GMDS: variants seen among roughly 807,000 people sequenced by gnomAD.
GMDS encodes GDP-mannose 4,6-dehydratase.
Under a neutral mutation model 49.9 loss-of-function variants are expected in GMDS, and 20 were observed. The ratio of observed to expected loss-of-function variants is 0.40; its 90% CI spans 0.28 to 0.58. GMDS has a LOEUF of 0.58. GMDS is among the 20% of genes least tolerant of loss of function. The probability of loss-of-function intolerance (pLI) is 0.42; values close to 1 mark genes in which losing one functional copy is unlikely to be tolerated. For missense variants in GMDS, 362 were observed against 481.4 expected, an observed-to-expected ratio of 0.75 and a Z score of 2.32; for synonymous variants, 177 against 178.6, an observed-to-expected ratio of 0.99 and a Z score of 0.07.
chr6:2,204,062 A>G (rs978078458), intron 1 of GMDS, among the ~76,000 whole-genome samples: 6 of 152,224 alleles, frequency 3.9e-5, no homozygotes, highest in Non-Finnish European at 5.9e-5. Flanking sequence ...TCAGGAAACT[A>G]CAAAACTAGC....
At chr6:1,810,811 C>A (rs902243352) in intron 7 of GMDS, among the ~76,000 whole-genome samples, 2 of 152,178 alleles carry the variant, frequency 1.3e-5, no homozygotes, top group Admixed American at 1.3e-4. Flanking sequence ...ATCACTGTGG[C>A]TAATTTCATT....
At chr6:2,043,706 T>C (rs533529475) in intron 4 of GMDS, among the ~76,000 whole-genome samples, 2 of 152,338 alleles carry the variant, frequency 1.3e-5, no homozygotes, top group African/African-American at 2.4e-5. Flanking sequence ...ACCTGTGAGA[T>C]AAAAAATAAA....
intron 7 of GMDS, among the ~76,000 whole-genome samples, chr6:1,780,978 G>A (rs1197235024): frequency 6.6e-6 from 1 of 152,068 alleles, no homozygotes; most frequent in East Asian, 1.9e-4. Context: ...TTGAAGACTG[G>A]TCTGTGGGGA....
chr6:1,720,130 C>A (rs746893101), intron 9 of GMDS, among the ~76,000 whole-genome samples: 21 of 152,004 alleles, frequency 1.4e-4, no homozygotes, highest in Non-Finnish European at 2.5e-4. Flanking sequence ...TAATCTAGAT[C>A]TGATAATAAG....
At chr6:2,000,436 C>G (rs1430940648) in intron 4 of GMDS, among the ~76,000 whole-genome samples, 2 of 151,956 alleles carry the variant, frequency 1.3e-5, no homozygotes, top group African/African-American at 4.8e-5. Context: ...GCAGTCACCT[C>G]CCCAACCCCT....
intron 9 of GMDS, among the ~76,000 whole-genome samples, chr6:1,693,008 C>T (rs1402667990): frequency 6.6e-6 from 1 of 152,150 alleles, no homozygotes; most frequent in African/African-American, 2.4e-5. Context: ...TCTTGAACTT[C>T]GTTTCTGGGA....
intron 4 of GMDS, among the ~76,000 whole-genome samples, chr6:2,035,853 A>AT (rs1343150882): frequency 6.6e-6 from 1 of 151,930 alleles, no homozygotes; most frequent in Non-Finnish European, 1.5e-5. Flanking sequence ...TGCCCGGCTA[A>AT]TTTTTATATT....
chr6:2,007,663 T>C (rs188761928), intron 4 of GMDS, among the ~76,000 whole-genome samples: 202 of 152,308 alleles, frequency 1.3e-3, no homozygotes, highest in Non-Finnish European at 2.1e-3. Flanking sequence ...TCAAGAATAT[T>C]ACATAGCTTG....
intron 9 of GMDS, among the ~76,000 whole-genome samples, chr6:1,636,945 C>CT (rs1763171456): frequency 6.6e-6 from 1 of 152,234 alleles, no homozygotes; most frequent in African/African-American, 2.4e-5. Flanking sequence ...CGGAAGAACT[C>CT]TAACGGCCCC....
chr6:1,739,527 C>T (rs1472396343), intron 8 of GMDS, among the ~76,000 whole-genome samples: 1 of 152,266 alleles, frequency 6.6e-6, no homozygotes, highest in Non-Finnish European at 1.5e-5. Context: ...CTGCTCATCC[C>T]AGAATCCTCA....
At chr6:1,801,446 T>C (rs964471690) in intron 7 of GMDS, among the ~76,000 whole-genome samples, 1 of 152,334 alleles carries the variant, frequency 6.6e-6, no homozygotes, top group South Asian at 2.1e-4. Context: ...TTCATACCCT[T>C]TGAATAGAAC....
chr6:2,113,807 G>C (rs1237390737), intron 4 of GMDS, among the ~76,000 whole-genome samples: 1 of 152,014 alleles, frequency 6.6e-6, no homozygotes, highest in African/African-American at 2.4e-5. Context: ...CCTTGCATGA[G>C]GTATGCACTC....
chr6:2,128,569 T>G (rs1466726875), intron 1 of GMDS, among the ~76,000 whole-genome samples: 1 of 152,152 alleles, frequency 6.6e-6, no homozygotes, highest in Non-Finnish European at 1.5e-5. Context: ...ATCACACTAG[T>G]TACAGACAAA....
chr6:2,194,735 T>C (rs1040822070), intron 1 of GMDS, among the ~76,000 whole-genome samples: 1 of 152,262 alleles, frequency 6.6e-6, no homozygotes, highest in Non-Finnish European at 1.5e-5. Flanking sequence ...TCACACACAG[T>C]AAACATTCTT....
chr6:1,718,583 C>G (rs1007714686), intron 9 of GMDS, among the ~76,000 whole-genome samples: 9 of 152,188 alleles, frequency 5.9e-5, no homozygotes, highest in Non-Finnish European at 1.3e-4. Context: ...CCACCCCGGG[C>G]TGTCCCGGCA....
chr6:1,860,770 G>A (rs1458046830), intron 7 of GMDS, among the ~76,000 whole-genome samples: 2 of 152,198 alleles, frequency 1.3e-5, no homozygotes. Context: ...ACTTGATGGG[G>A]AAGGCAAAAT....
intron 7 of GMDS, among the ~76,000 whole-genome samples, chr6:1,806,347 G>A (rs1253157622): frequency 6.6e-6 from 1 of 151,986 alleles, no homozygotes; most frequent in Non-Finnish European, 1.5e-5. Context: ...TTAGATTAGG[G>A]TTTATGCTGT....
intron 9 of GMDS, among the ~76,000 whole-genome samples, chr6:1,690,920 ATTAGTT>A (rs1765147633): frequency 6.6e-6 from 1 of 152,262 alleles, no homozygotes; most frequent in Non-Finnish European, 1.5e-5. Flanking sequence ...GGGAATGTAA[ATTAGTT>A]CAACCATTGT....
At chr6:2,201,740 A>T (rs1779545656) in intron 1 of GMDS, among the ~76,000 whole-genome samples, 1 of 123,826 alleles carries the variant, frequency 8.1e-6, no homozygotes. Flanking sequence ...GCAGCATGTT[A>T]GCAGAGAGGT....
Sources: allele counts gnomAD v4.1 joint callset (sites outside exome capture counted in the v4.1 genomes callset), GRCh38; gene constraint gnomAD v4.1.1; transcripts MANE v1.5; gene names NCBI Gene and HGNC (gene_info 2026-07-23, HGNC 2026-07-21).